The following CTNNA3 variants were observed in gnomAD, a reference collection of about 807,000 sequenced individuals.
CTNNA3 encodes the protein catenin alpha 3, also known as catenin alpha-3.
A neutral mutation model predicts 95.7 loss-of-function variants in CTNNA3; 76 were observed. That is an observed-to-expected ratio of 0.79 (90% CI 0.66 to 0.96). The LOEUF (loss-of-function observed/expected upper bound fraction) is 0.96, where lower values mean the gene tolerates loss of function less well. Among genes scored for constraint, CTNNA3 ranks in the 40% least tolerant of loss-of-function variants. CTNNA3 has a pLI of 0.00. For synonymous variants in CTNNA3, 431 were observed against 374.4 expected, an observed-to-expected ratio of 1.15 and a Z score of -1.74; for missense variants, 1,191 against 1,089.8, an observed-to-expected ratio of 1.09 and a Z score of -1.31.
intron 7 of CTNNA3, among the ~76,000 whole-genome samples, chr10:67,117,853 T>C (rs1859264624): frequency 6.6e-6 from 1 of 152,034 alleles, no homozygotes; most frequent in Non-Finnish European, 1.5e-5. Flanking sequence ...GTTCAGTATA[T>C]TTATTAATGA....
intron 7 of CTNNA3, among the ~76,000 whole-genome samples, chr10:66,830,122 C>A (rs888703465): frequency 6.6e-6 from 1 of 152,110 alleles, no homozygotes; most frequent in Non-Finnish European, 1.5e-5. Flanking sequence ...TTTCCATTCT[C>A]AAAGGTTAAG....
At chr10:65,978,457 T>C (rs973185429) in intron 16 of CTNNA3, among the ~76,000 whole-genome samples, 1 of 151,150 alleles carries the variant, frequency 6.6e-6, no homozygotes, top group Non-Finnish European at 1.5e-5. Flanking sequence ...CACGTGTTGT[T>C]GTTCTCAGCT....
chr10:66,321,124 A>G (rs1349123765), intron 12 of CTNNA3, among the ~76,000 whole-genome samples: 1 of 152,138 alleles, frequency 6.6e-6, no homozygotes, highest in Non-Finnish European at 1.5e-5. Flanking sequence ...TGAGTTTTAC[A>G]TGGTAGCCCA....
chr10:66,769,971 C>A (rs1413317370), intron 8 of CTNNA3, among the ~76,000 whole-genome samples: 4 of 152,186 alleles, frequency 2.6e-5, no homozygotes. Context: ...CCCATCTAAA[C>A]AGGTACCTTT....
intron 13 of CTNNA3, among the ~76,000 whole-genome samples, chr10:66,112,069 G>A (rs1354676120): frequency 3.2e-4 from 49 of 152,084 alleles, no homozygotes; most frequent in Non-Finnish European, 4.4e-5. Context: ...AGATCTCAAC[G>A]CTAGTGAAGA....
chr10:66,686,605 C>G (rs968215756), intron 9 of CTNNA3, among the ~76,000 whole-genome samples: 2 of 152,154 alleles, frequency 1.3e-5, no homozygotes, highest in African/African-American at 4.8e-5. Context: ...CTCTTTGAAC[C>G]AGTGATTGCA....
chr10:66,847,909 G>A (rs1843337793), intron 7 of CTNNA3, among the ~76,000 whole-genome samples: 2 of 152,102 alleles, frequency 1.3e-5, no homozygotes, highest in South Asian at 4.1e-4. Context: ...AGATAGCTGA[G>A]AATAAATGTC....
At position 66,947,257 on chromosome 10, in the gene CTNNA3, C is replaced by T. The variant is rs1848318807; in HGVS notation, c.1048-171733G>A. ...GAGGACCAATTACTCTCTGATTACT[C>T]TCTAATGGGGTATCTTGTACAGATG... On this transcript the variant is annotated intron_variant, in intron 7 of 17. Coordinates refer to ENST00000433211, the MANE Select transcript of CTNNA3 (RefSeq NM_013266.4). Among the ~76,000 whole-genome samples, 5 of 152,302 alleles carry T rather than the reference C, an allele frequency of 3.3e-5. No individual in the cohort carries two copies. The South Asian group carries it at 1.0e-3, about 32-fold the overall frequency.
rs184651596 is a variant in CTNNA3, at chr10:66,575,139, A to G, written c.1374+46553T>C. On this transcript the variant is annotated intron_variant, in intron 10 of 17. Coordinates refer to ENST00000433211, the MANE Select transcript of CTNNA3 (RefSeq NM_013266.4). ...TGTAAACCCATGCACCGTCCTAGCC[A>G]GTATCTCTTTTCTCCGGAAGAGAGG... is the stretch of plus-strand genomic sequence containing the variant. Among the ~76,000 whole-genome samples the G allele has an allele frequency of 2.7e-3, 405 of 152,264 alleles. 2 individuals carry two copies. Among genetic ancestry groups the G allele is most frequent in the Admixed American group, 5.1e-3 (78 of 15,296 alleles).
chr10:66,031,358 T>C (rs2079446332), intron 15 of CTNNA3, among the ~76,000 whole-genome samples: 1 of 152,182 alleles, frequency 6.6e-6, no homozygotes. Flanking sequence ...ATATACATCA[T>C]GGAATATTAT....
chr10:66,269,508 T>C (rs2091231091), intron 13 of CTNNA3, among the ~76,000 whole-genome samples: 1 of 152,244 alleles, frequency 6.6e-6, no homozygotes, highest in Non-Finnish European at 1.5e-5. Context: ...ACAGCCATTT[T>C]TAAGGTTACA....
intron 1 of CTNNA3, among the ~76,000 whole-genome samples, chr10:67,653,736 T>C (rs977885875): frequency 6.6e-6 from 1 of 152,154 alleles, no homozygotes; most frequent in African/African-American, 2.4e-5. Context: ...CCCAAATAAA[T>C]GGCCACTTTC....
At chr10:66,568,751 G>C (rs963015218) in intron 10 of CTNNA3, among the ~76,000 whole-genome samples, 1 of 151,636 alleles carries the variant, frequency 6.6e-6, no homozygotes, top group African/African-American at 2.4e-5. Flanking sequence ...TCTTCTGCTT[G>C]TACCAAATCA....
chr10:66,243,573 C>T (rs887151991), intron 13 of CTNNA3, among the ~76,000 whole-genome samples: 4 of 152,098 alleles, frequency 2.6e-5, no homozygotes, highest in Admixed American at 2.6e-4. Flanking sequence ...CTGGAAGCCC[C>T]GGCTTTGAGT....
chr10:67,028,027 T>C (rs1216165422), intron 7 of CTNNA3, among the ~76,000 whole-genome samples: 2 of 152,196 alleles, frequency 1.3e-5, no homozygotes, highest in African/African-American at 2.4e-5. Context: ...GTATTTCATA[T>C]GTGAAAAAGA....
intron 5 of CTNNA3, among the ~76,000 whole-genome samples, chr10:67,353,577 G>A (rs988321796): frequency 1.8e-4 from 27 of 151,908 alleles, no homozygotes; most frequent in African/African-American, 6.3e-4. Context: ...TTCAACAACT[G>A]AGAATTGTTA....
intron 7 of CTNNA3, among the ~76,000 whole-genome samples, chr10:66,845,725 A>AAAAAAAAAAAAAAAAAAAAC (rs1160996707): frequency 2.0e-5 from 2 of 100,340 alleles, no homozygotes; most frequent in Non-Finnish European, 4.3e-5. Context: ...AAAAAAAAAA[A>AAAAAAAAAAAAAAAAAAAAC]AAAACTAAAA....
At chr10:66,455,106 C>T (rs1245283909) in intron 11 of CTNNA3, among the ~76,000 whole-genome samples, 2 of 151,994 alleles carry the variant, frequency 1.3e-5, no homozygotes, top group South Asian at 4.1e-4. Flanking sequence ...TGGTAAGGAA[C>T]ATCCTCAACC....
intron 10 of CTNNA3, among the ~76,000 whole-genome samples, chr10:66,584,732 G>A (rs2132209593): frequency 1.3e-5 from 2 of 152,044 alleles, no homozygotes; most frequent in South Asian, 4.1e-4. Flanking sequence ...CATATTGATT[G>A]TTACTTAGTG....
Sources: allele counts gnomAD v4.1 joint callset (sites outside exome capture counted in the v4.1 genomes callset), GRCh38; gene constraint gnomAD v4.1.1; transcripts MANE v1.5; gene names NCBI Gene and HGNC (gene_info 2026-07-23, HGNC 2026-07-21).